MPP4: variants seen among roughly 807,000 people sequenced by gnomAD.
MPP4 encodes MAGUK p55 scaffold protein 4.
Under a neutral mutation model 98.3 loss-of-function variants are expected in MPP4, and 91 were observed. That is an observed-to-expected ratio of 0.93 (90% CI 0.78 to 1.10). The LOEUF is 1.10. Ranked by LOEUF, MPP4 falls within the 50% of genes least tolerant of loss-of-function variation. The pLI is 0.00. For synonymous variants in MPP4, 261 were observed against 271.8 expected (o/e 0.96, Z 0.39); for missense variants, 744 against 792.9 (o/e 0.94, Z 0.74).
chr2:201,669,125 AG>A (rs1688267922), intron 12 of MPP4, among the ~76,000 whole-genome samples: 3 of 122,036 alleles, frequency 2.5e-5, no homozygotes, highest in Non-Finnish European at 5.5e-5. Context: ...TGTGTGTGAG[AG>A]AGAGAGAGAG....
intron 1 of MPP4, among the ~76,000 whole-genome samples, chr2:201,694,615 T>TC (rs1689129835): frequency 7.9e-6 from 1 of 126,894 alleles, no homozygotes; most frequent in Non-Finnish European, 1.7e-5. Flanking sequence ...TCCCTTTTTT[T>TC]TTTTTTTTTT....
rs1689259954 is a variant in MPP4 at position 201,698,590 on chromosome 2, C to T, written c.-104G>A. The T allele has an allele frequency of 2.3e-6, 3 of 1,303,874 alleles. No homozygotes were observed. The highest frequency in any genetic ancestry group is 1.5e-5 in the African/African-American group (1 of 65,808). 80.8% of individuals were successfully genotyped at this position (1,303,874 alleles called of 1,614,324 possible). On this transcript the variant is annotated 5_prime_UTR_variant, in exon 1 of 22. Coordinates refer to ENST00000409474, the MANE Select transcript of MPP4 (RefSeq NM_033066.3). ...ATTATTTGCCAAGGTCTCTTACCTG[C>T]AAGACTGTAAACATGCATGTTGCTC...
intron 3 of MPP4, among the ~76,000 whole-genome samples, chr2:201,691,408 T>C (rs1178005929): frequency 2.0e-5 from 3 of 152,170 alleles, no homozygotes; most frequent in Non-Finnish European, 4.4e-5. Flanking sequence ...AAAATTATAG[T>C]AGTGGCATCT....
intron 8 of MPP4, 37 bp from the exon 9 acceptor site, chr2:201,681,604 G>C: frequency 1.3e-6 from 2 of 1,553,360 alleles, no homozygotes; most frequent in Non-Finnish European, 1.8e-6. Flanking sequence ...GACAATCATG[G>C]AGCTAGCAGG....
At chr2:201,645,671 T>A (rs997565168) in intron 21 of MPP4, among the ~76,000 whole-genome samples, 7 of 152,100 alleles carry the variant, frequency 4.6e-5, no homozygotes, top group Non-Finnish European at 8.8e-5. Context: ...TTTTTTTTTT[T>A]AGACAGGGTC....
Position 201,649,689 on chromosome 2 carries a change from A to G in MPP4, c.1476-5T>C. On this transcript the variant is annotated splice_region_variant and splice_polypyrimidine_tract_variant and intron_variant, in intron 19 of 21. Transcript: ENST00000409474. ...TACTCACCATACTCCAGCATCCTGC[A>G]AGAGCAGGCCAAACAAAACAGAACA... The G allele has an allele frequency of 6.3e-7, 1 of 1,598,046 alleles. No individual in the cohort carries two copies. The highest frequency in any genetic ancestry group is 8.6e-7 in the Non-Finnish European group (1 of 1,169,004).
chr2:201,672,356 C>T (rs1212532123), intron 11 of MPP4, among the ~76,000 whole-genome samples: 1 of 151,994 alleles, frequency 6.6e-6, no homozygotes, highest in Non-Finnish European at 1.5e-5. Flanking sequence ...CAAGAGCAAA[C>T]AAATTCAAAA....
chr2:201,697,958 A>C, intron 1 of MPP4: 1 of 985,386 alleles, frequency 1.0e-6, no homozygotes, highest in Non-Finnish European at 1.2e-6. Context: ...TCTGTACCAA[A>C]TTTGTCAGTT....
chr2:201,687,441 G>A, intron 4 of MPP4, 70 bp from the exon 5 acceptor site: 1 of 1,186,020 alleles, frequency 8.4e-7, no homozygotes, highest in Non-Finnish European at 1.2e-6. Flanking sequence ...CCTCACCCAG[G>A]CTGGATAACA....
chr2:201,670,560 C>T (rs765055447), intron 11 of MPP4, among the ~76,000 whole-genome samples: 2 of 151,992 alleles, frequency 1.3e-5, no homozygotes, highest in Non-Finnish European at 2.9e-5. Context: ...ACACAGGCCA[C>T]ATAAGCAAAT....
At chr2:201,679,020 G>A (rs987349896) in intron 10 of MPP4, among the ~76,000 whole-genome samples, 23 of 152,134 alleles carry the variant, frequency 1.5e-4, no homozygotes, top group Admixed American at 1.3e-3. Flanking sequence ...GACCTCATCA[G>A]TACTGACAAC....
intron 11 of MPP4, among the ~76,000 whole-genome samples, chr2:201,673,065 A>T (rs1688389659): frequency 1.3e-5 from 2 of 152,216 alleles, no homozygotes; most frequent in Admixed American, 1.3e-4. Context: ...GGTTCAACAT[A>T]TGCAAATCAA....
chr2:201,665,618 C>T (rs1333405032), intron 13 of MPP4: 2 of 152,104 alleles, frequency 1.3e-5, no homozygotes, highest in African/African-American at 4.8e-5. Flanking sequence ...GTAAAATAAA[C>T]ATAATGTCAG....
intron 8 of MPP4, 56 bp from the exon 9 acceptor site, chr2:201,681,623 G>A: frequency 7.3e-7 from 1 of 1,367,912 alleles, no homozygotes; most frequent in Non-Finnish European, 1.0e-6. Context: ...GGGTTACTGG[G>A]GCTCGGTGGA....
intron 20 of MPP4, 81 bp from the exon 21 acceptor site, chr2:201,647,906 A>G (rs1003581489): frequency 1.2e-5 from 16 of 1,384,614 alleles, no homozygotes; most frequent in African/African-American, 1.4e-5. Flanking sequence ...CCCAGGCTGG[A>G]GTGCTGTGGT....
Position 201,656,355 on chromosome 2 carries a change from G to A in MPP4, c.1143C>T (p.Arg381=). 6.4e-7 allele frequency: 1 copy of A among 1,551,518 alleles called. No individual in the cohort carries two copies. The highest frequency in any genetic ancestry group is 8.7e-7 in the Non-Finnish European group (1 of 1,146,824). Residue 381 remains arginine (R), a synonymous_variant, in exon 17 of 22, where the codon CGC becomes CGT. Transcript: ENST00000409474. ...ACTTCCTGCGACAAAGGCGCATGCT[G>A]CGGCGGAAGCCAGCTAGGGAGGGGA... ...GQKFFIAGFR[R]SMRLCRRKSH...
chr2:201,647,645 G>T, intron 21 of MPP4, 46 bp downstream of exon 21: 1 of 1,591,778 alleles, frequency 6.3e-7, no homozygotes. Flanking sequence ...TCTCTCCCAC[G>T]CAGAAGCCAC....
chr2:201,646,843 A>G (rs1687570924), intron 21 of MPP4: 1 of 152,066 alleles, frequency 6.6e-6, no homozygotes, highest in African/African-American at 2.4e-5. Flanking sequence ...TGCCAGGTAA[A>G]TAAATTCTAG....
intron 13 of MPP4, 37 bp from the exon 14 acceptor site, chr2:201,664,138 A>G (rs1688099703): frequency 1.3e-6 from 2 of 1,529,122 alleles, no homozygotes; most frequent in South Asian, 1.2e-5. Context: ...CAAAAATGTT[A>G]TTACATGACC....
Sources: gnomAD v4.1 joint callset for allele counts (sites outside exome capture counted in the v4.1 genomes callset) on GRCh38, gnomAD v4.1.1 for gene constraint, MANE v1.5 for transcripts, NCBI Gene and HGNC (gene_info 2026-07-23, HGNC 2026-07-21) for gene names.